The following EFCAB6 variants were observed in gnomAD, a reference collection of about 807,000 sequenced individuals.
EFCAB6 encodes the protein EF-hand calcium binding domain 6.
A neutral mutation model predicts 169.8 loss-of-function variants in EFCAB6; 156 were observed. The ratio of observed to expected loss-of-function variants is 0.92; its 90% CI spans 0.81 to 1.05. The LOEUF (loss-of-function observed/expected upper bound fraction) is 1.05. Among genes scored for constraint, EFCAB6 ranks in the 50% least tolerant of loss-of-function variants. The pLI, the probability that EFCAB6 is intolerant of heterozygous loss-of-function variation, is 0.00. For synonymous variants in EFCAB6, 698 were observed against 676.4 expected, an observed-to-expected ratio of 1.03 and a Z score of -0.50; for missense variants, 1,800 against 1,829.1, an observed-to-expected ratio of 0.98 and a Z score of 0.29.
Position 43,758,046 on chromosome 22 carries a change from C to T in EFCAB6, c.441-2214G>A, listed in dbSNP as rs925562012. ...AAGTGGACTACATGATAATTGAATC[C>T]TTAAGTCTTAAAATTTATTTTGCCA... On this transcript the variant is annotated intron_variant, in intron 5 of 31. Transcript: ENST00000262726. Among the ~76,000 whole-genome samples, 3 of 152,092 alleles carry T rather than the reference C, an allele frequency of 2.0e-5. No homozygotes were observed. In the South Asian group the frequency reaches 6.2e-4, roughly 31 times the overall value.
chr22:43,750,221 C>A (rs2060708502), intron 6 of EFCAB6, among the ~76,000 whole-genome samples: 1 of 151,998 alleles, frequency 6.6e-6, no homozygotes, highest in Non-Finnish European at 1.5e-5. Flanking sequence ...AATGATACAG[C>A]AACCAAAAAT....
intron 19 of EFCAB6, among the ~76,000 whole-genome samples, chr22:43,630,153 A>G (rs576785372): frequency 1.3e-5 from 2 of 152,304 alleles, no homozygotes; most frequent in African/African-American, 4.8e-5. Flanking sequence ...ATTCAAAAAA[A>G]GTGACTGTAC....
chr22:43,746,280 GA>G (rs1158500628), intron 6 of EFCAB6, among the ~76,000 whole-genome samples: 1 of 151,892 alleles, frequency 6.6e-6, no homozygotes, highest in Non-Finnish European at 1.5e-5. Context: ...ACCAAAAATC[GA>G]AAAAGCTTAC....
chr22:43,614,071 A>G (rs1163759153), intron 21 of EFCAB6, among the ~76,000 whole-genome samples: 1 of 151,802 alleles, frequency 6.6e-6, no homozygotes, highest in Admixed American at 6.6e-5. Context: ...CAATAGCATC[A>G]AATATAGGTT....
At chr22:43,697,339 T>A (rs954892073) in intron 10 of EFCAB6, among the ~76,000 whole-genome samples, 2 of 151,664 alleles carry the variant, frequency 1.3e-5, no homozygotes, top group South Asian at 2.1e-4. Context: ...GCTCCTGATA[T>A]AATATTCTAT....
At chr22:43,543,227 C>A (rs184561342) in intron 27 of EFCAB6, among the ~76,000 whole-genome samples, 52 of 152,276 alleles carry the variant, frequency 3.4e-4, no homozygotes, top group African/African-American at 1.2e-3. Flanking sequence ...TGGCAGTCAC[C>A]GAGGAGGGGA....
chr22:43,665,603 G>C (rs768944203), intron 17 of EFCAB6, among the ~76,000 whole-genome samples: 2 of 152,182 alleles, frequency 1.3e-5, no homozygotes, highest in African/African-American at 4.8e-5. Context: ...GGCCCTGCAC[G>C]GGCAGGGATG....
chr22:43,560,782 G>A (rs776230588), intron 26 of EFCAB6, among the ~76,000 whole-genome samples: 18 of 152,328 alleles, frequency 1.2e-4, no homozygotes, highest in African/African-American at 4.1e-4. Context: ...AGTGGCGCCC[G>A]GATTCTACCC....
chr22:43,770,893 C>A (rs2061447134), intron 4 of EFCAB6, among the ~76,000 whole-genome samples: 4 of 143,046 alleles, frequency 2.8e-5, no homozygotes, highest in South Asian at 2.3e-4. Context: ...GAAGAAACAA[C>A]AAATAGAACT....
At chr22:43,641,890 C>A (rs1436095563) in intron 17 of EFCAB6, among the ~76,000 whole-genome samples, 1 of 152,114 alleles carries the variant, frequency 6.6e-6, no homozygotes, top group East Asian at 1.9e-4. Context: ...TATATTTAAG[C>A]CAGAGATTTA....
chr22:43,601,186 T>C (rs896911329), intron 22 of EFCAB6, among the ~76,000 whole-genome samples: 6 of 152,230 alleles, frequency 3.9e-5, no homozygotes, highest in African/African-American at 1.4e-4. Flanking sequence ...TTATGCTATG[T>C]ACCTTTTATG....
intron 27 of EFCAB6, among the ~76,000 whole-genome samples, chr22:43,547,192 A>G (rs913018133): frequency 2.0e-5 from 3 of 152,214 alleles, no homozygotes; most frequent in East Asian, 1.9e-4. Flanking sequence ...GGGCAACTCA[A>G]TGTCATGTGC....
At chr22:43,719,478 C>T (rs555411269) in intron 8 of EFCAB6, among the ~76,000 whole-genome samples, 24 of 152,284 alleles carry the variant, frequency 1.6e-4, no homozygotes, top group African/African-American at 4.8e-4. Context: ...GGAACCAAAA[C>T]AGAAGTTAGC....
intron 13 of EFCAB6, among the ~76,000 whole-genome samples, chr22:43,673,749 C>T (rs1312652900): frequency 6.6e-6 from 1 of 152,108 alleles, no homozygotes; most frequent in Non-Finnish European, 1.5e-5. Flanking sequence ...CACTGCACTC[C>T]AGCCTGAGCA....
At position 43,626,611 on chromosome 22, in the gene EFCAB6, G is replaced by T. The variant is rs771660713; in HGVS notation, c.2301C>A (p.His767Gln). 1 of 1,614,216 alleles carries T rather than the reference G, an allele frequency of 6.2e-7. No homozygotes were observed. The highest frequency in any genetic ancestry group is 1.7e-5 in the Admixed American group (1 of 60,022). ...RDGIINMHDLHRLLLHLLLNL... is the reference protein window; with the variant it reads ...RDGIINMHDLQRLLLHLLLNL... ...TAAGCAGTAGATGCAGGAGCAGTCT[G>T]TGAAGGTCATGCATGTTGATTATGC... Residue 767 changes from histidine (H) to glutamine (Q), a missense_variant, in exon 20 of 32, where the codon CAC (histidine) becomes CAA (glutamine). Coordinates refer to ENST00000262726, the MANE Select transcript of EFCAB6 (RefSeq NM_022785.4).
intron 10 of EFCAB6, among the ~76,000 whole-genome samples, chr22:43,701,034 C>T (rs539172125): frequency 6.6e-6 from 1 of 152,276 alleles, no homozygotes; most frequent in South Asian, 2.1e-4. Flanking sequence ...AAGATAGCCT[C>T]GTCCTGGTAA....
chr22:43,590,732 G>C (rs2051436390), intron 23 of EFCAB6, among the ~76,000 whole-genome samples: 1 of 140,056 alleles, frequency 7.1e-6, no homozygotes, highest in Non-Finnish European at 1.5e-5. Context: ...GGGACAGTAG[G>C]TTTGAAGGCC....
chr22:43,705,157 T>C (rs1295231159), intron 10 of EFCAB6, among the ~76,000 whole-genome samples: 1 of 152,022 alleles, frequency 6.6e-6, no homozygotes, highest in Non-Finnish European at 1.5e-5. Context: ...GATAAAGGGG[T>C]CACTTCATCA....
intron 6 of EFCAB6, among the ~76,000 whole-genome samples, chr22:43,742,817 C>A (rs776280487): frequency 2.0e-5 from 3 of 152,240 alleles, no homozygotes; most frequent in Non-Finnish European, 2.9e-5. Context: ...ACTGCAGAGC[C>A]TGGGAGCAGG....
Sources: gnomAD v4.1 joint callset for allele counts (sites outside exome capture counted in the v4.1 genomes callset) on GRCh38, gnomAD v4.1.1 for gene constraint, MANE v1.5 for transcripts, NCBI Gene and HGNC (gene_info 2026-07-23, HGNC 2026-07-21) for gene names.